The following INPP5B variants were observed in gnomAD, a reference collection of about 807,000 sequenced individuals.
INPP5B encodes inositol polyphosphate-5-phosphatase B, also known as type II inositol 1,4,5-trisphosphate 5-phosphatase.
Under a neutral mutation model 118.5 loss-of-function variants are expected in INPP5B, and 90 were observed. The ratio of observed to expected loss-of-function variants is 0.76; its 90% CI spans 0.64 to 0.90. The LOEUF (loss-of-function observed/expected upper bound fraction) is 0.90. Among genes scored for constraint, INPP5B ranks in the 40% least tolerant of loss-of-function variants. The pLI is 0.00. For missense variants in INPP5B, 984 were observed against 1,125.6 expected, an observed-to-expected ratio of 0.87 and a Z score of 1.80; for synonymous variants, 385 against 418.9, an observed-to-expected ratio of 0.92 and a Z score of 0.99.
At chr1:37,898,593 G>T (rs113641043) in intron 7 of INPP5B, among the ~76,000 whole-genome samples, 1 of 152,028 alleles carries the variant, frequency 6.6e-6, no homozygotes, top group Admixed American at 6.5e-5. Context: ...TACTCGGGAG[G>T]CTGAGGCAGG....
intron 7 of INPP5B, among the ~76,000 whole-genome samples, chr1:37,898,617 C>A (rs1177763112): frequency 2.6e-5 from 4 of 151,634 alleles, no homozygotes; most frequent in African/African-American, 9.7e-5. Flanking sequence ...ATGGTGTGAA[C>A]CCAGGAGGTG....
At chr1:37,865,049 T>C (rs1421842408) in intron 22 of INPP5B, among the ~76,000 whole-genome samples, 1 of 151,992 alleles carries the variant, frequency 6.6e-6, no homozygotes, top group Non-Finnish European at 1.5e-5. Context: ...TAGCCAGGCA[T>C]GGTGGTGCAC....
chr1:37,874,485 T>C (rs552563164), intron 17 of INPP5B, among the ~76,000 whole-genome samples: 1 of 152,316 alleles, frequency 6.6e-6, no homozygotes, highest in South Asian at 2.1e-4. Context: ...TCCAAGTAGC[T>C]GGACATCTAG....
intron 7 of INPP5B, chr1:37,930,515 T>C (rs1645413226): frequency 2.0e-5 from 3 of 152,276 alleles, no homozygotes; most frequent in Admixed American, 1.3e-4. Context: ...TGGCAGTCTC[T>C]TGTGAAGGGG....
Position 37,865,809 on chromosome 1 carries a change from G to C in INPP5B, c.2466C>G (p.Thr822=). Residue 822 remains threonine, a synonymous_variant, in exon 22 of 24, where the codon ACC becomes ACG. Transcript: ENST00000373024. ...SLPEPVICYS[T]YHNCLECSGN... ...CAGAACACTCCAAGCAGTTATGGTAGGTGCTGTAACAGATGACAGGCTCTG... is the reference window on the plus strand; with the variant it reads ...CAGAACACTCCAAGCAGTTATGGTACGTGCTGTAACAGATGACAGGCTCTG... The C allele has an allele frequency of 6.2e-7, 1 of 1,613,804 alleles. No individual in the cohort carries two copies. Among genetic ancestry groups the C allele is most frequent in the Non-Finnish European group, 8.5e-7 (1 of 1,179,782 alleles).
chr1:37,875,535 TG>T, intron 17 of INPP5B, 70 bp downstream of exon 17: 2 of 1,193,624 alleles, frequency 1.7e-6, no homozygotes, highest in Non-Finnish European at 2.5e-6. Context: ...CCCAAAGTGC[TG>T]GGATTACAGG....
chr1:37,938,979 A>C (rs1428450440), intron 6 of INPP5B, among the ~76,000 whole-genome samples: 1 of 152,070 alleles, frequency 6.6e-6, no homozygotes, highest in African/African-American at 2.4e-5. Flanking sequence ...GGATCACCTG[A>C]GGTCAGGAGT....
intron 23 of INPP5B, among the ~76,000 whole-genome samples, chr1:37,863,965 C>T (rs1641871421): frequency 6.6e-6 from 1 of 151,716 alleles, no homozygotes; most frequent in Admixed American, 6.6e-5. Flanking sequence ...CAGGCATGCA[C>T]CACCACACTC....
At chr1:37,933,550 G>C (rs560011098) in intron 6 of INPP5B, among the ~76,000 whole-genome samples, 1 of 150,456 alleles carries the variant, frequency 6.6e-6, no homozygotes, top group African/African-American at 2.4e-5. Context: ...TCTGTCTCAA[G>C]AAAAAAAGAA....
chr1:37,918,430 T>C (rs1488065493), intron 7 of INPP5B, among the ~76,000 whole-genome samples: 1 of 152,202 alleles, frequency 6.6e-6, no homozygotes, highest in African/African-American at 2.4e-5. Context: ...CCTGCCTTCA[T>C]ATGAAGTTAC....
At chr1:37,927,768 ACCTCGTGATCCGC>A (rs1645292465) in intron 7 of INPP5B, among the ~76,000 whole-genome samples, 1 of 151,848 alleles carries the variant, frequency 6.6e-6, no homozygotes, top group Non-Finnish European at 1.5e-5. Flanking sequence ...CAATCTCCTG[ACCTCGTGATCCGC>A]CCTCCTTGGC....
chr1:37,922,557 A>G (rs1174608419), intron 7 of INPP5B, among the ~76,000 whole-genome samples: 1 of 151,862 alleles, frequency 6.6e-6, no homozygotes, highest in Non-Finnish European at 1.5e-5. Context: ...CTAGCCGGGC[A>G]TGGTGGCAGG....
intron 7 of INPP5B, among the ~76,000 whole-genome samples, chr1:37,916,514 T>G (rs951956223): frequency 6.6e-5 from 10 of 152,008 alleles, no homozygotes; most frequent in Admixed American, 3.3e-4. Context: ...CCTCCCCGGT[T>G]CAAGCGATTC....
chr1:37,927,449 A>T (rs891406601), intron 7 of INPP5B, among the ~76,000 whole-genome samples: 7 of 152,186 alleles, frequency 4.6e-5, no homozygotes, highest in African/African-American at 1.7e-4. Context: ...CCTGACTTCA[A>T]CACCACAAGT....
intron 22 of INPP5B, 91 bp downstream of exon 22, chr1:37,865,670 A>G: frequency 7.1e-7 from 1 of 1,416,636 alleles, no homozygotes; most frequent in Non-Finnish European, 9.8e-7. Context: ...TCAGTTTCTG[A>G]GATGCTGCAC....
At chr1:37,896,991 A>G (rs1644129507) in intron 7 of INPP5B, among the ~76,000 whole-genome samples, 1 of 109,404 alleles carries the variant, frequency 9.1e-6, no homozygotes, top group Non-Finnish European at 2.2e-5. Context: ...TGGGGGGGTC[A>G]GCCCCCCGCC....
At chr1:37,881,112 A>G (rs898291805) in intron 14 of INPP5B, among the ~76,000 whole-genome samples, 1 of 152,244 alleles carries the variant, frequency 6.6e-6, no homozygotes, top group Non-Finnish European at 1.5e-5. Context: ...ACCACTTAAC[A>G]AACTAATAGT....
Position 37,868,517 on chromosome 1 carries a change from C to T in INPP5B, c.2285G>A (p.Arg762Gln), listed in dbSNP as rs761903907. 12 of 1,612,748 alleles carry T rather than the reference C, an allele frequency of 7.4e-6. No homozygotes were observed. Among genetic ancestry groups the T allele is most frequent in the East Asian group, 6.7e-5 (3 of 44,888 alleles). ...ACAACCTACCTGCTGGACAGCATTT[C>T]GGTACAGGTAATCAACCATCATCCA... ...ELWMMVDYLY[R>Q]NAVQQEDLFQ... Residue 762 changes from arginine to glutamine, a missense_variant, in exon 20 of 24, where the codon CGA (arginine) becomes CAA (glutamine). Around this residue, in one of 2 missense-constraint regions of INPP5B, gnomAD observed 634 missense variants for 791.0 expected, o/e 0.80. Coordinates refer to ENST00000373024, the MANE Select transcript of INPP5B (RefSeq NM_005540.3).
chr1:37,887,341 C>G lies in INPP5B; in HGVS notation c.1014+10G>C. 1 of 1,480,358 alleles carries G rather than the reference C, an allele frequency of 6.8e-7. No individual in the cohort carries two copies. Among genetic ancestry groups the G allele is most frequent in the South Asian group, 1.2e-5 (1 of 85,382 alleles). 91.7% of individuals were successfully genotyped at this position (1,480,358 alleles called of 1,614,324 possible). A position where few individuals can be genotyped will look rare whatever the true frequency, so the allele number is the denominator to read the frequency against. The stretch of plus-strand genomic sequence containing the variant: ...ACATAAAATTAAGAGGTCCCTGACT[C>G]CTCTCTTACCTTTGCATATTTGGCA... On this transcript the variant is annotated intron_variant, in intron 11 of 23. Coordinates refer to ENST00000373024, the MANE Select transcript of INPP5B (RefSeq NM_005540.3).
Sources: gnomAD v4.1 joint callset for allele counts (sites outside exome capture counted in the v4.1 genomes callset) on GRCh38, gnomAD v4.1.1 for gene constraint, gnomAD v4.1.1 regional missense constraint, MANE v1.5 for transcripts, NCBI Gene and HGNC (gene_info 2026-07-23, HGNC 2026-07-21) for gene names.